Variants in NSUN6 observed in about 807,000 individuals in gnomAD.
NSUN6 encodes the protein NOP2/Sun RNA methyltransferase 6, also known as tRNA (cytosine(72)-C(5))-methyltransferase NSUN6.
A neutral mutation model predicts 58.0 loss-of-function variants in NSUN6; 64 were observed. The observed-to-expected ratio is 1.10, with a 90% CI of 0.90 to 1.36. The LOEUF (loss-of-function observed/expected upper bound fraction) is 1.36. Among genes scored for constraint, NSUN6 ranks in the 40% most tolerant of loss-of-function variants. The probability of loss-of-function intolerance (pLI) is 0.00; values close to 1 mark genes in which losing one functional copy is unlikely to be tolerated. For synonymous variants in NSUN6, 231 were observed against 193.9 expected, an observed-to-expected ratio of 1.19 and a Z score of -1.59; for missense variants, 701 against 550.1, an observed-to-expected ratio of 1.27 and a Z score of -2.74.
intron 3 of NSUN6, among the ~76,000 whole-genome samples, chr10:18,634,768 CAAAACA>C (rs1005921982): frequency 1.2e-5 from 1 of 86,434 alleles, no homozygotes; most frequent in African/African-American, 4.2e-5. Flanking sequence ...AACAAACAAA[CAAAACA>C]AAACAAAACA....
At chr10:18,619,671 T>C (rs1437857960) in intron 3 of NSUN6, among the ~76,000 whole-genome samples, 1 of 152,230 alleles carries the variant, frequency 6.6e-6, no homozygotes, top group Non-Finnish European at 1.5e-5. Flanking sequence ...AACATCTTCA[T>C]GTTATCTAAT....
At chr10:18,619,322 C>CGGCTG (rs1222656585) in intron 3 of NSUN6, among the ~76,000 whole-genome samples, 1 of 152,192 alleles carries the variant, frequency 6.6e-6, no homozygotes, top group Non-Finnish European at 1.5e-5. Context: ...AGGGAACTTA[C>CGGCTG]GGCTGCGCAT....
chr10:18,566,252 T>C (rs2130922440), intron 8 of NSUN6, among the ~76,000 whole-genome samples: 1 of 148,340 alleles, frequency 6.7e-6, no homozygotes, highest in South Asian at 2.2e-4. Context: ...CCATTCCACA[T>C]TCCATTCCGT....
intron 2 of NSUN6, among the ~76,000 whole-genome samples, chr10:18,646,866 G>C (rs913106660): frequency 6.6e-6 from 1 of 152,106 alleles, no homozygotes; most frequent in Non-Finnish European, 1.5e-5. Flanking sequence ...CTGAGTTATG[G>C]ATACTTCCAG....
At chr10:18,597,203 T>A (rs1165087421) in intron 6 of NSUN6, among the ~76,000 whole-genome samples, 1 of 152,220 alleles carries the variant, frequency 6.6e-6, no homozygotes, top group Non-Finnish European at 1.5e-5. Flanking sequence ...TTAGTATCAA[T>A]TATATAAGGA....
intron 4 of NSUN6, 144 bp downstream of exon 4, chr10:18,616,040 A>T (rs58846432): frequency 1.7e-6 from 1 of 597,164 alleles, no homozygotes; most frequent in Admixed American, 3.0e-5. Flanking sequence ...TCCTTACTGG[A>T]TAAAACCCTA....
rs187640977 is a variant in NSUN6, at chr10:18,551,125, T to C, written c.1071+698A>G. ...TAACAACTCAGTGACTTTTTTCAGATAGAGAATATTTGAAATTTATTAAAT... is the reference window on the plus strand; with the variant it reads ...TAACAACTCAGTGACTTTTTTCAGACAGAGAATATTTGAAATTTATTAAAT... On this transcript the variant is annotated intron_variant, in intron 9 of 10. Coordinates refer to ENST00000377304, the MANE Select transcript of NSUN6 (RefSeq NM_182543.5). Among the ~76,000 whole-genome samples the C allele has an allele frequency of 5.6e-3, 855 of 152,246 alleles. 17 individuals carry two copies. The highest frequency in any genetic ancestry group is 0.035 in the South Asian group (170 of 4,824).
At chr10:18,572,258 C>A (rs1256342344) in intron 8 of NSUN6, among the ~76,000 whole-genome samples, 1 of 144,248 alleles carries the variant, frequency 6.9e-6, no homozygotes, top group East Asian at 1.9e-4. Context: ...CCATTCCATC[C>A]CATTCTCCAT....
upstream of NSUN6, chr10:18,652,857 C>T (rs932149154): frequency 3.1e-6 from 3 of 974,062 alleles, no homozygotes; most frequent in Admixed American, 1.2e-4. Context: ...CCACGCCCAG[C>T]CCATTTTCTC....
intron 3 of NSUN6, among the ~76,000 whole-genome samples, chr10:18,626,510 G>A (rs1485813612): frequency 1.3e-5 from 2 of 152,246 alleles, no homozygotes; most frequent in South Asian, 4.1e-4. Flanking sequence ...GCTCACGCCT[G>A]TAATCCCAGC....
intron 1 of NSUN6, among the ~76,000 whole-genome samples, 162 bp from the exon 2 acceptor site, chr10:18,648,807 T>A (rs929871763): frequency 1.3e-5 from 2 of 152,218 alleles, no homozygotes; most frequent in African/African-American, 4.8e-5. Flanking sequence ...GAAATAGTAA[T>A]ACTTCACGGG....
In NSUN6 at chr10:18,627,022, T is replaced by C. The variant is rs554847952; in HGVS notation, c.312-10729A>G. 2.6e-5 allele frequency among the ~76,000 whole-genome samples: 4 copies of C among 152,360 alleles called. No individual in the cohort carries two copies. The South Asian group carries it at 6.2e-4, about 24-fold the overall frequency. On this transcript the variant is annotated intron_variant, in intron 3 of 10. Transcript: ENST00000377304. ...GCCTAAAAAGTTCTACTGATCCAAA[T>C]GTAGCCTTTACAAAATGCTGGTTGA... is the stretch of plus-strand genomic sequence containing the variant.
intron 6 of NSUN6, among the ~76,000 whole-genome samples, chr10:18,597,856 T>A (rs2057655354): frequency 1.3e-5 from 2 of 152,228 alleles, no homozygotes; most frequent in Non-Finnish European, 2.9e-5. Flanking sequence ...ATCACCACTT[T>A]GAAACAAACT....
intron 2 of NSUN6, among the ~76,000 whole-genome samples, chr10:18,644,016 G>A (rs2059465657): frequency 6.6e-6 from 1 of 152,048 alleles, no homozygotes; most frequent in Non-Finnish European, 1.5e-5. Context: ...TTTTAAAACA[G>A]CCTTATTGAG....
At chr10:18,617,120 C>G (rs1263740602) in intron 3 of NSUN6, among the ~76,000 whole-genome samples, 2 of 151,906 alleles carry the variant, frequency 1.3e-5, no homozygotes, top group African/African-American at 4.8e-5. Flanking sequence ...TATCCCTTGG[C>G]AATCTCATGA....
chr10:18,547,192 T>A (rs2054325297), intron 10 of NSUN6, among the ~76,000 whole-genome samples: 1 of 152,182 alleles, frequency 6.6e-6, no homozygotes, highest in African/African-American at 2.4e-5. Flanking sequence ...AGAAGATCTA[T>A]AATCCTAAGT....
chr10:18,585,973 GTT>G lies in NSUN6; in HGVS notation c.896_897del (p.Lys299ThrfsTer2), dbSNP rs1351623105. The G allele has an allele frequency of 6.2e-7, 1 of 1,607,848 alleles. No individual in the cohort carries two copies. Among genetic ancestry groups the G allele is most frequent in the Non-Finnish European group, 8.5e-7 (1 of 1,178,528 alleles). ...AFCFDGTKAV[K>X]LDMVEDTEGE... ...CCTTCTGTGTCCTCCACCATATCAA[GTT>G]TAACCGCCTTTGTTCCATCAAAACA... On this transcript the variant is annotated frameshift_variant, in exon 8 of 11. Transcript: ENST00000377304. LOFTEE classifies it high-confidence loss of function.
intron 3 of NSUN6, among the ~76,000 whole-genome samples, chr10:18,618,972 T>G (rs2058508935): frequency 6.6e-6 from 1 of 152,226 alleles, no homozygotes; most frequent in South Asian, 2.1e-4. Context: ...CTGTTTTGTC[T>G]ACAGCCATAT....
chr10:18,592,331 A>G (rs1414816817), intron 7 of NSUN6, among the ~76,000 whole-genome samples: 1 of 152,218 alleles, frequency 6.6e-6, no homozygotes, highest in Non-Finnish European at 1.5e-5. Flanking sequence ...ATTTCCATCA[A>G]GCCACGATTG....
Sources: allele counts gnomAD v4.1 joint callset (sites outside exome capture counted in the v4.1 genomes callset), GRCh38; gene constraint gnomAD v4.1.1; transcripts MANE v1.5; gene names NCBI Gene and HGNC (gene_info 2026-07-23, HGNC 2026-07-21).